GGTA1: variants seen among roughly 807,000 people sequenced by gnomAD.
The protein encoded by GGTA1 is glycoprotein alpha-galactosyltransferase 1 (inactive), also known as inactive N-acetyllactosaminide alpha-1,3-galactosyltransferase.
A neutral mutation model predicts 2.6 loss-of-function variants in GGTA1; 5 were observed. That is an observed-to-expected ratio of 1.92 (90% CI 1.00 to 4.04). The LOEUF (loss-of-function observed/expected upper bound fraction) is 4.04, where lower values mean the gene tolerates loss of function less well. Ranked by LOEUF, GGTA1 falls within the 30% of genes most tolerant of loss-of-function variation. GGTA1 has a pLI of 0.00. For synonymous variants in GGTA1, 17 were observed against 5.0 expected (o/e 3.38, Z -3.19); for missense variants, 50 against 16.7 (o/e 2.99, Z -3.47).
chr9:121,462,387 T>C (rs1457090805), intron 3 of GGTA1, among the ~76,000 whole-genome samples: 1 of 151,736 alleles, frequency 6.6e-6, no homozygotes, highest in Non-Finnish European at 1.5e-5. Flanking sequence ...TTCTGGAGGA[T>C]GGGGAAAGAG....
At chr9:121,449,333 G>C (rs77993819) in intron 7 of GGTA1, among the ~76,000 whole-genome samples, 1 of 152,148 alleles carries the variant, frequency 6.6e-6, no homozygotes, top group Non-Finnish European at 1.5e-5. Flanking sequence ...TTGCTGGATC[G>C]TGTGGTAAGA....
At chr9:121,496,378 C>A (rs1828992262) in intron 1 of GGTA1, among the ~76,000 whole-genome samples, 1 of 152,108 alleles carries the variant, frequency 6.6e-6, no homozygotes, top group African/African-American at 2.4e-5. Flanking sequence ...ATCACCATAT[C>A]CCTATTCTGC....
chr9:121,498,391 A>G (rs1277104646), intron 1 of GGTA1, among the ~76,000 whole-genome samples: 1 of 152,212 alleles, frequency 6.6e-6, no homozygotes, highest in Non-Finnish European at 1.5e-5. Flanking sequence ...TAACTCCGAA[A>G]GAGGTAGAAA....
intron 5 of GGTA1, among the ~76,000 whole-genome samples, chr9:121,458,665 GGATAA>G (rs2064934459): frequency 7.8e-6 from 1 of 128,808 alleles, no homozygotes; most frequent in Non-Finnish European, 1.8e-5. Context: ...AATAAATAAA[GGATAA>G]GATAAGATAA....
At chr9:121,478,411 C>A (rs1476496106) in intron 1 of GGTA1, among the ~76,000 whole-genome samples, 1 of 152,186 alleles carries the variant, frequency 6.6e-6, no homozygotes, top group African/African-American at 2.4e-5. Context: ...AGCAAAGGGG[C>A]ATAGCTTGCC....
chr9:121,447,192 G>A (rs1244921384), exon 8 of GGTA1: 1 of 152,630 alleles, frequency 6.6e-6, no homozygotes, highest in Admixed American at 6.5e-5. Flanking sequence ...AAAATCCCCT[G>A]GCCAAATGGA....
In GGTA1 at chr9:121,446,506, AC is replaced by A. The variant is rs2064852823; in HGVS notation, c.*1209del. 2.6e-5 allele frequency: 4 copies of A among 152,194 alleles called. No homozygotes were observed. In the South Asian group the frequency reaches 8.3e-4, roughly 31 times the overall value. 9.4% of individuals were successfully genotyped at this position (152,194 alleles called of 1,614,324 possible). A position where few individuals can be genotyped will look rare whatever the true frequency, so the allele number is the denominator to read the frequency against. ...GCACAGTAACTCCATGTTGCTTTAGACCCATCAGAAATAGGCAGACATTGAA... is the reference window on the plus strand; with the variant it reads ...GCACAGTAACTCCATGTTGCTTTAGACCATCAGAAATAGGCAGACATTGAA... On this transcript the variant is annotated 3_prime_UTR_variant and NMD_transcript_variant, in exon 8 of 8. Transcript: ENST00000481534.
chr9:121,461,879 G>C (rs2064963035), intron 3 of GGTA1, among the ~76,000 whole-genome samples: 1 of 152,226 alleles, frequency 6.6e-6, no homozygotes, highest in African/African-American at 2.4e-5. Flanking sequence ...TGTTGTAAAA[G>C]TCTAGAGAAA....
At chr9:121,446,981 G>C (rs934109401) in exon 8 of GGTA1, 2 of 152,240 alleles carry the variant, frequency 1.3e-5, no homozygotes, top group Non-Finnish European at 2.9e-5. Flanking sequence ...CTGAAGGCAG[G>C]CCTATATGAT....
intron 1 of GGTA1, among the ~76,000 whole-genome samples, chr9:121,479,900 A>G (rs904557921): frequency 2.0e-5 from 3 of 152,178 alleles, no homozygotes; most frequent in Non-Finnish European, 2.9e-5. Context: ...CACAAAGCAC[A>G]CTACAAGAAC....
chr9:121,495,305 G>A (rs1828968803), intron 1 of GGTA1, among the ~76,000 whole-genome samples: 3 of 151,984 alleles, frequency 2.0e-5, no homozygotes, highest in Non-Finnish European at 2.9e-5. Context: ...CAGCACTTTG[G>A]GAGGCTGAGG....
chr9:121,456,995 C>G (rs1311935655), intron 5 of GGTA1, among the ~76,000 whole-genome samples: 2 of 152,152 alleles, frequency 1.3e-5, no homozygotes, highest in Non-Finnish European at 2.9e-5. Flanking sequence ...ACTGAATTCC[C>G]TCTAAGCAGG....
intron 1 of GGTA1, among the ~76,000 whole-genome samples, chr9:121,482,877 C>T (rs982061810): frequency 2.0e-5 from 3 of 151,822 alleles, no homozygotes; most frequent in Admixed American, 6.6e-5. Context: ...ATCCGGGAGG[C>T]GGGGAGGAGG....
intron 2 of GGTA1, 86 bp downstream of exon 2, chr9:121,467,757 T>C: frequency 9.9e-6 from 4 of 403,182 alleles, no homozygotes; most frequent in Non-Finnish European, 1.5e-5. Context: ...CTAATTTCAA[T>C]TCAGCCTGGC....
chr9:121,480,079 G>A (rs147329277), intron 1 of GGTA1, among the ~76,000 whole-genome samples: 1,135 of 82,786 alleles, frequency 0.014, 19 homozygotes, highest in African/African-American at 0.038. Context: ...TTTTTGAGAT[G>A]GAGTCTCACT....
intron 2 of GGTA1, among the ~76,000 whole-genome samples, chr9:121,466,943 G>A (rs573796864): frequency 3.4e-4 from 47 of 137,502 alleles, no homozygotes; most frequent in Middle Eastern, 3.9e-3. Context: ...ACAAGAGAGA[G>A]ACTCTGTCTC....
At chr9:121,447,116 A>G (rs1218546448) in exon 8 of GGTA1, 1 of 152,590 alleles carries the variant, frequency 6.6e-6, no homozygotes, top group Non-Finnish European at 1.5e-5. Context: ...GGATTCCCTT[A>G]AAGCACTCCT....
chr9:121,470,123 CT>C (rs1828357549), intron 1 of GGTA1, among the ~76,000 whole-genome samples: 1 of 152,182 alleles, frequency 6.6e-6, no homozygotes. Context: ...TTTTCCTGAG[CT>C]TTTCCTGTGT....
At chr9:121,485,357 A>G (rs1273521473) in intron 1 of GGTA1, among the ~76,000 whole-genome samples, 1 of 151,990 alleles carries the variant, frequency 6.6e-6, no homozygotes, top group Non-Finnish European at 1.5e-5. Flanking sequence ...CCCACTGGCT[A>G]TGTGACAGAG....
Sources: gnomAD v4.1 joint callset for allele counts (sites outside exome capture counted in the v4.1 genomes callset) on GRCh38, gnomAD v4.1.1 for gene constraint, MANE v1.5 for transcripts, NCBI Gene and HGNC (gene_info 2026-07-23, HGNC 2026-07-21) for gene names.